LARS2: variants seen among roughly 807,000 people sequenced by gnomAD.
LARS2 encodes leucine--tRNA ligase, mitochondrial.
LARS2 carries 81 observed loss-of-function variants against 116.6 expected under a neutral mutation model. The ratio of observed to expected loss-of-function variants is 0.69; its 90% CI spans 0.58 to 0.84. LARS2 has a LOEUF of 0.84. Among genes scored for constraint, LARS2 ranks in the 40% least tolerant of loss-of-function variants. LARS2 has a pLI of 0.00. For missense variants in LARS2, 968 were observed against 1,114.5 expected (o/e 0.87, Z 1.87); for synonymous variants, 396 against 407.2 (o/e 0.97, Z 0.33).
intron 18 of LARS2, among the ~76,000 whole-genome samples, chr3:45,518,605 T>C (rs1007542219): frequency 6.6e-6 from 1 of 152,178 alleles, no homozygotes; most frequent in Non-Finnish European, 1.5e-5. Context: ...GTCCTCCACA[T>C]AGTGAGGACT....
intron 13 of LARS2, among the ~76,000 whole-genome samples, 192 bp downstream of exon 13, chr3:45,491,992 A>G (rs1047223358): frequency 2.6e-5 from 4 of 152,222 alleles, no homozygotes; most frequent in African/African-American, 7.2e-5. Context: ...TGCCTCTGCA[A>G]TGGGCATCCT....
At chr3:45,466,719 T>A (rs750310798) in intron 8 of LARS2, among the ~76,000 whole-genome samples, 4 of 151,900 alleles carry the variant, frequency 2.6e-5, no homozygotes, top group Non-Finnish European at 2.9e-5. Flanking sequence ...TGCCTTCTTT[T>A]TTATTATTAT....
At chr3:45,508,281 C>G (rs1289617865) in intron 15 of LARS2, among the ~76,000 whole-genome samples, 1 of 152,038 alleles carries the variant, frequency 6.6e-6, no homozygotes, top group African/African-American at 2.4e-5. Context: ...ATCCACAGAG[C>G]TTTCTTCTCT....
intron 8 of LARS2, among the ~76,000 whole-genome samples, chr3:45,469,699 G>C (rs1699488397): frequency 6.6e-6 from 1 of 152,020 alleles, no homozygotes; most frequent in Non-Finnish European, 1.5e-5. Flanking sequence ...CAGGGGACTA[G>C]AGTGCGAGAG....
chr3:45,439,339 G>C (rs527823565), intron 6 of LARS2, among the ~76,000 whole-genome samples: 1 of 145,274 alleles, frequency 6.9e-6, no homozygotes, highest in Admixed American at 7.1e-5. Flanking sequence ...CCCTGCCTCA[G>C]CCTCCCGAGT....
At chr3:45,448,456 C>T (rs1370569301) in intron 7 of LARS2, among the ~76,000 whole-genome samples, 4 of 152,068 alleles carry the variant, frequency 2.6e-5, no homozygotes, top group South Asian at 2.1e-4. Flanking sequence ...CCAGCTCGGT[C>T]GGGGAGACCC....
chr3:45,495,078 TAATG>T (rs1699988530), intron 13 of LARS2, among the ~76,000 whole-genome samples: 1 of 151,666 alleles, frequency 6.6e-6, no homozygotes, highest in African/African-American at 2.4e-5. Flanking sequence ...AAAATAAAAA[TAATG>T]AGTGTAACAC....
At chr3:45,409,206 A>ATTTTTAT (rs1559458836) in intron 4 of LARS2, among the ~76,000 whole-genome samples, 1 of 150,928 alleles carries the variant, frequency 6.6e-6, no homozygotes, top group Non-Finnish European at 1.5e-5. Context: ...TTTTATTTTT[A>ATTTTTAT]TTTTTTTTTA....
intron 20 of LARS2, among the ~76,000 whole-genome samples, chr3:45,539,315 A>T (rs78934946): frequency 6.6e-6 from 1 of 152,180 alleles, no homozygotes; most frequent in African/African-American, 2.4e-5. Context: ...CCTTGTAGAA[A>T]ATCTGTAACA....
At chr3:45,425,203 TAATA>T (rs1698573839) in intron 6 of LARS2, among the ~76,000 whole-genome samples, 1 of 152,176 alleles carries the variant, frequency 6.6e-6, no homozygotes, top group Non-Finnish European at 1.5e-5. Context: ...TTGTTTCCTG[TAATA>T]AATGTTTTTT....
At chr3:45,402,975 C>T (rs1001581282) in intron 4 of LARS2, among the ~76,000 whole-genome samples, 4 of 151,694 alleles carry the variant, frequency 2.6e-5, no homozygotes, top group African/African-American at 9.7e-5. Flanking sequence ...CATGGTGGCC[C>T]GTGCTTGTAA....
At chr3:45,398,185 A>G (rs537747017) in intron 3 of LARS2, among the ~76,000 whole-genome samples, 2 of 152,236 alleles carry the variant, frequency 1.3e-5, no homozygotes, top group Admixed American at 6.5e-5. Flanking sequence ...CAGCACAAAG[A>G]AAAGTTCTAC....
chr3:45,434,098 C>T (rs1204946030), intron 6 of LARS2, among the ~76,000 whole-genome samples: 1 of 152,090 alleles, frequency 6.6e-6, no homozygotes, highest in Non-Finnish European at 1.5e-5. Context: ...GTTCACTTAG[C>T]TTCTTGCATC....
At position 45,467,391 on chromosome 3, in the gene LARS2, T is replaced by G. The variant is rs74710912; in HGVS notation, c.751-6852T>G. On this transcript the variant is annotated intron_variant, in intron 8 of 21. Coordinates refer to ENST00000645846, the MANE Select transcript of LARS2 (RefSeq NM_015340.4). ...CTTACTGCTACCAGATGGCTAGCTC[T>G]AAGTGTCAGATTTGCTCAAAATAGA... is the stretch of plus-strand genomic sequence containing the variant. 2.0e-4 allele frequency among the ~76,000 whole-genome samples: 31 copies of G among 152,364 alleles called. No homozygotes were observed. In the East Asian group the frequency reaches 6.0e-3, roughly 29 times the overall value.
intron 20 of LARS2, among the ~76,000 whole-genome samples, chr3:45,529,960 G>A (rs575274393): frequency 6.6e-6 from 1 of 152,304 alleles, no homozygotes; most frequent in African/African-American, 2.4e-5. Context: ...GGCTGTGGTG[G>A]TGGTGTCAGC....
intron 7 of LARS2, among the ~76,000 whole-genome samples, chr3:45,456,824 G>A (rs1292728522): frequency 6.6e-6 from 1 of 152,140 alleles, no homozygotes; most frequent in African/African-American, 2.4e-5. Flanking sequence ...ATTTTCCAAT[G>A]GGGGTACTGC....
chr3:45,541,327 G>T (rs191888116), intron 20 of LARS2, among the ~76,000 whole-genome samples: 2 of 152,276 alleles, frequency 1.3e-5, no homozygotes. Flanking sequence ...GAGGAAGTTT[G>T]CAGGAAGGTT....
At chr3:45,436,799 C>CAAAAA (rs61468802) in intron 6 of LARS2, among the ~76,000 whole-genome samples, 1 of 121,488 alleles carries the variant, frequency 8.2e-6, no homozygotes, top group African/African-American at 3.4e-5. Context: ...AGACTCGTCT[C>CAAAAA]AAAAAAAAAA....
chr3:45,536,702 T>G (rs1700710975), intron 20 of LARS2, among the ~76,000 whole-genome samples: 1 of 152,202 alleles, frequency 6.6e-6, no homozygotes, highest in East Asian at 1.9e-4. Flanking sequence ...CGAAACCTAA[T>G]TTTTAAATTG....
Sources: allele counts gnomAD v4.1 joint callset (sites outside exome capture counted in the v4.1 genomes callset), GRCh38; gene constraint gnomAD v4.1.1; transcripts MANE v1.5; gene names NCBI Gene and HGNC (gene_info 2026-07-23, HGNC 2026-07-21).